KCNQ5: variants seen among roughly 807,000 people sequenced by gnomAD.
KCNQ5 encodes potassium voltage-gated channel subfamily KQT member 5.
A neutral mutation model predicts 98.2 loss-of-function variants in KCNQ5; 30 were observed. The ratio of observed to expected loss-of-function variants is 0.31; its 90% CI spans 0.23 to 0.41. The LOEUF (loss-of-function observed/expected upper bound fraction) is 0.41. Ranked by LOEUF, KCNQ5 falls within the 10% of genes least tolerant of loss-of-function variation. The probability of loss-of-function intolerance (pLI) is 1.00; values close to 1 mark genes in which losing one functional copy is unlikely to be tolerated. For missense variants in KCNQ5, 835 were observed against 1,182.5 expected (o/e 0.71, Z 4.31); for synonymous variants, 458 against 449.4 (o/e 1.02, Z -0.24).
At chr6:73,132,601 G>A (rs1027251469) in intron 9 of KCNQ5, among the ~76,000 whole-genome samples, 2 of 152,182 alleles carry the variant, frequency 1.3e-5, no homozygotes, top group Admixed American at 1.3e-4. Flanking sequence ...TGGATTTTAT[G>A]ATTGTTGTTA....
At chr6:73,028,131 G>GA (rs1046297178) in intron 2 of KCNQ5, among the ~76,000 whole-genome samples, 37 of 152,194 alleles carry the variant, frequency 2.4e-4, no homozygotes, top group African/African-American at 8.7e-4. Flanking sequence ...TATTATGGGG[G>GA]AAAAATGCTT....
chr6:72,645,135 G>A (rs192749820), intron 1 of KCNQ5, among the ~76,000 whole-genome samples: 18 of 150,352 alleles, frequency 1.2e-4, no homozygotes, highest in Non-Finnish European at 2.5e-4. Flanking sequence ...GTGAGAGGCT[G>A]AGGTGAGTGG....
rs2098916097 is a variant in KCNQ5 at position 72,622,836 on chromosome 6, C to A, written c.398+249C>A. ...GAACTGCCCGGTAGCTTCAGGCTCCCGGGGCGAGAGCCAGGCAGACGCGGG... is the reference window on the plus strand; with the variant it reads ...GAACTGCCCGGTAGCTTCAGGCTCCAGGGGCGAGAGCCAGGCAGACGCGGG... On this transcript the variant is annotated intron_variant, in intron 1 of 13. Coordinates refer to ENST00000370398, the MANE Select transcript of KCNQ5 (RefSeq NM_019842.4). This position sits in a 1 kb window ranked among gnomAD's most constrained non-coding sequence, Gnocchi z 6.0. Among the ~76,000 whole-genome samples the A allele has an allele frequency of 6.6e-6, 1 of 152,138 alleles. No individual in the cohort carries two copies. The highest frequency in any genetic ancestry group is 6.5e-5 in the Admixed American group (1 of 15,282).
chr6:72,695,569 G>C (rs4707984), intron 1 of KCNQ5, among the ~76,000 whole-genome samples: 76,579 of 151,970 alleles, frequency 0.5, 22,183 homozygotes, highest in African/African-American at 0.79. Context: ...CAAAAATCAT[G>C]TAACAACACT....
chr6:72,676,939 C>A (rs1480215841), intron 1 of KCNQ5, among the ~76,000 whole-genome samples: 1 of 113,300 alleles, frequency 8.8e-6, no homozygotes, highest in Non-Finnish European at 1.7e-5. Context: ...TTAGTTAGTA[C>A]TTTTTTCAGC....
chr6:72,976,599 G>A (rs1015896816), intron 1 of KCNQ5, among the ~76,000 whole-genome samples: 1 of 152,074 alleles, frequency 6.6e-6, no homozygotes, highest in Non-Finnish European at 1.5e-5. Context: ...CCCTTTTCTC[G>A]GTTGTGGATG....
intron 1 of KCNQ5, among the ~76,000 whole-genome samples, chr6:72,967,400 A>C (rs75974559): frequency 0.03 from 4,576 of 152,300 alleles, 75 homozygotes; most frequent in Middle Eastern, 0.082. Flanking sequence ...CCCTTTATTT[A>C]ATTCAAGATA....
At position 72,661,004 on chromosome 6, in the gene KCNQ5, CT is replaced by C. The variant is rs776561987; in HGVS notation, c.398+38424del. 3.3e-5 allele frequency among the ~76,000 whole-genome samples: 5 copies of C among 152,028 alleles called. No individual in the cohort carries two copies. The East Asian group carries it at 7.7e-4, about 24-fold the overall frequency. ...AGGTGACAAAATTTTTAAAATCATA[CT>C]TTTTTTCATAAAGTTTAAACAAATA... On this transcript the variant is annotated intron_variant, in intron 1 of 13. Coordinates refer to ENST00000370398, the MANE Select transcript of KCNQ5 (RefSeq NM_019842.4).
chr6:72,692,366 G>A (rs1235707011), intron 1 of KCNQ5, among the ~76,000 whole-genome samples: 1 of 152,212 alleles, frequency 6.6e-6, no homozygotes, highest in Non-Finnish European at 1.5e-5. Flanking sequence ...TTTGCAGGTT[G>A]TGCGAGAAAC....
chr6:72,692,634 A>G (rs1768269964), intron 1 of KCNQ5, among the ~76,000 whole-genome samples: 1 of 152,214 alleles, frequency 6.6e-6, no homozygotes, highest in Admixed American at 6.5e-5. Context: ...ACAGCTAGGA[A>G]TGGGCTCTGC....
intron 1 of KCNQ5, among the ~76,000 whole-genome samples, chr6:72,739,323 G>A (rs1286933567): frequency 2.0e-5 from 3 of 152,148 alleles, no homozygotes; most frequent in African/African-American, 7.2e-5. Flanking sequence ...ATTCCATGGA[G>A]TAGCTCTGCT....
chr6:72,902,410 G>A (rs1244786073), intron 1 of KCNQ5, among the ~76,000 whole-genome samples: 5 of 152,164 alleles, frequency 3.3e-5, no homozygotes, highest in Non-Finnish European at 7.4e-5. Context: ...GGGCATCCTT[G>A]TCTTGTTCCA....
chr6:73,015,792 T>C (rs560236489), intron 2 of KCNQ5, among the ~76,000 whole-genome samples: 1 of 152,258 alleles, frequency 6.6e-6, no homozygotes, highest in Admixed American at 6.5e-5. Flanking sequence ...TGTTTGTCAG[T>C]AGAAGGAAAA....
chr6:72,776,002 G>C (rs977732493), intron 1 of KCNQ5, among the ~76,000 whole-genome samples: 2 of 152,064 alleles, frequency 1.3e-5, no homozygotes, highest in South Asian at 2.1e-4. Context: ...TATCAATATT[G>C]GTTCATTAAT....
chr6:73,046,995 A>G (rs1771996515), intron 3 of KCNQ5, among the ~76,000 whole-genome samples: 1 of 152,206 alleles, frequency 6.6e-6, no homozygotes, highest in African/African-American at 2.4e-5. Flanking sequence ...TGAAGACTTT[A>G]TAGATGAGGA....
intron 1 of KCNQ5, among the ~76,000 whole-genome samples, chr6:72,819,820 C>T (rs1445298837): frequency 6.6e-6 from 1 of 152,176 alleles, no homozygotes; most frequent in African/African-American, 2.4e-5. Context: ...CGAAGGTAAC[C>T]TAAGCTTCCT....
intron 1 of KCNQ5, among the ~76,000 whole-genome samples, chr6:72,930,652 TTTAA>T (rs568756447): frequency 2.0e-5 from 3 of 151,510 alleles, no homozygotes; most frequent in Admixed American, 1.3e-4. Flanking sequence ...TATGTTAAAC[TTTAA>T]TTAACCATAT....
intron 1 of KCNQ5, among the ~76,000 whole-genome samples, chr6:72,927,185 A>C (rs1334659801): frequency 6.6e-6 from 1 of 152,212 alleles, no homozygotes; most frequent in Non-Finnish European, 1.5e-5. Flanking sequence ...AGTAGTACTT[A>C]GTGATTCTTT....
At chr6:72,810,863 G>A (rs901490869) in intron 1 of KCNQ5, among the ~76,000 whole-genome samples, 4 of 152,156 alleles carry the variant, frequency 2.6e-5, no homozygotes, top group African/African-American at 9.7e-5. Flanking sequence ...AACTATGGAG[G>A]GTTAGTATCT....
Sources: allele counts gnomAD v4.1 joint callset (sites outside exome capture counted in the v4.1 genomes callset), GRCh38; gene constraint gnomAD v4.1.1; non-coding constraint Gnocchi (gnomAD v3.1); transcripts MANE v1.5; gene names NCBI Gene and HGNC (gene_info 2026-07-23, HGNC 2026-07-21).